CDH4: variants seen among roughly 807,000 people sequenced by gnomAD.
CDH4 encodes cadherin 4, also known as cadherin-4.
In CDH4, 33 loss-of-function variants were observed where a neutral mutation model predicts 86.0. The ratio of observed to expected loss-of-function variants is 0.38; its 90% confidence interval spans 0.29 to 0.51. The LOEUF is 0.51. Among genes scored for constraint, CDH4 ranks in the 20% least tolerant of loss-of-function variants. The pLI, the probability that CDH4 is intolerant of heterozygous loss-of-function variation, is 0.86. For synonymous variants in CDH4, 555 were observed against 549.4 expected, an observed-to-expected ratio of 1.01 and a Z score of -0.14; for missense variants, 1,114 against 1,307.4, an observed-to-expected ratio of 0.85 and a Z score of 2.28.
At chr20:61,587,192 G>A (rs1010492657) in intron 2 of CDH4, among the ~76,000 whole-genome samples, 3 of 152,194 alleles carry the variant, frequency 2.0e-5, no homozygotes, top group Non-Finnish European at 4.4e-5. Context: ...TCCAGGCTCG[G>A]GGCAGGGGAG....
chr20:61,692,732 C>T (rs1359826846), intron 2 of CDH4, among the ~76,000 whole-genome samples: 3 of 152,184 alleles, frequency 2.0e-5, no homozygotes, highest in Admixed American at 6.5e-5. Flanking sequence ...ACTCCATTTG[C>T]GGCTACTCAT....
intron 2 of CDH4, among the ~76,000 whole-genome samples, chr20:61,653,090 G>A (rs1365652575): frequency 2.7e-4 from 34 of 127,330 alleles, no homozygotes; most frequent in South Asian, 4.9e-4. Flanking sequence ...GCGGCCTTCC[G>A]CAGTGTTTGT....
intron 2 of CDH4, among the ~76,000 whole-genome samples, chr20:61,554,899 G>A (rs764464867): frequency 1.3e-5 from 2 of 152,214 alleles, no homozygotes; most frequent in Admixed American, 6.5e-5. Context: ...TTACATGTAT[G>A]TGTGCAGACA....
chr20:61,725,957 C>A (rs1464802048), intron 2 of CDH4, among the ~76,000 whole-genome samples: 1 of 152,198 alleles, frequency 6.6e-6, no homozygotes, highest in Non-Finnish European at 1.5e-5. Flanking sequence ...AAGGATCCAC[C>A]CCAGGGCCTG....
intron 2 of CDH4, among the ~76,000 whole-genome samples, chr20:61,310,279 C>T (rs1004019990): frequency 6.7e-4 from 102 of 152,270 alleles, no homozygotes; most frequent in African/African-American, 2.3e-3. Flanking sequence ...ATGTCCTACT[C>T]AGCTCATGCT....
chr20:61,804,045 G>C (rs1979985085), intron 4 of CDH4, among the ~76,000 whole-genome samples: 1 of 152,380 alleles, frequency 6.6e-6, no homozygotes, highest in Admixed American at 6.5e-5. Context: ...CTTGCCAAGA[G>C]AGAGGCGCCT....
At chr20:61,936,696 C>T (rs1005162417) in intron 15 of CDH4, 41 bp from the exon 16 acceptor site, 1 of 1,448,066 alleles carries the variant, frequency 6.9e-7, no homozygotes. Flanking sequence ...GGGGCTGAGA[C>T]AACGCGTCCT....
At chr20:61,642,774 T>A (rs1029506378) in intron 2 of CDH4, among the ~76,000 whole-genome samples, 1 of 152,282 alleles carries the variant, frequency 6.6e-6, no homozygotes, top group Admixed American at 6.5e-5. Flanking sequence ...ACCACTTCCT[T>A]ACCTTTCCAT....
chr20:61,483,008 TCTG>T (rs1319573597), intron 2 of CDH4, among the ~76,000 whole-genome samples: 1 of 152,188 alleles, frequency 6.6e-6, no homozygotes, highest in East Asian at 1.9e-4. Context: ...AGCCCCCAGA[TCTG>T]CTGCTCTTAA....
intron 2 of CDH4, among the ~76,000 whole-genome samples, chr20:61,459,650 A>G (rs2145557204): frequency 6.6e-6 from 1 of 151,384 alleles, no homozygotes; most frequent in Admixed American, 6.6e-5. Flanking sequence ...CGGGCTGACA[A>G]GGCTGACCTG....
At chr20:61,714,676 T>TG (rs1050267550) in intron 2 of CDH4, among the ~76,000 whole-genome samples, 9 of 152,236 alleles carry the variant, frequency 5.9e-5, no homozygotes, top group African/African-American at 2.2e-4. Flanking sequence ...TTTCCATTCC[T>TG]GAGTTACTTC....
chr20:61,812,694 G>A (rs924004905), intron 4 of CDH4, among the ~76,000 whole-genome samples: 11 of 152,328 alleles, frequency 7.2e-5, no homozygotes, highest in Non-Finnish European at 1.3e-4. Context: ...GCCAGCCAAC[G>A]CCCTTTGGGG....
At chr20:61,801,645 G>A (rs1429515395) in intron 4 of CDH4, among the ~76,000 whole-genome samples, 2 of 151,768 alleles carry the variant, frequency 1.3e-5, no homozygotes, top group Non-Finnish European at 2.9e-5. Context: ...GGCCCTAGGG[G>A]AGGACCCATC....
chr20:61,844,613 C>G (rs1982342001), intron 4 of CDH4, 55 bp from the exon 5 acceptor site: 1 of 1,547,432 alleles, frequency 6.5e-7, no homozygotes, highest in Non-Finnish European at 8.8e-7. Context: ...GAGATCGGCC[C>G]CGGGCCTCTC....
intron 2 of CDH4, among the ~76,000 whole-genome samples, chr20:61,405,398 C>G (rs147458012): frequency 6.6e-6 from 1 of 151,988 alleles, no homozygotes; most frequent in Non-Finnish European, 1.5e-5. Context: ...CAGTGCGGCC[C>G]TTTATGATTT....
intron 2 of CDH4, among the ~76,000 whole-genome samples, chr20:61,530,876 G>A (rs1274810272): frequency 1.3e-5 from 2 of 152,098 alleles, no homozygotes; most frequent in African/African-American, 4.8e-5. Context: ...TGCAGCCACA[G>A]CGCTGTCCAG....
In CDH4 at chr20:61,546,759, C is replaced by A. The variant is rs55853357; in HGVS notation, c.170-196804C>A. 1.3e-3 allele frequency among the ~76,000 whole-genome samples: 195 copies of A among 152,204 alleles called. 1 individual carries two copies. The highest frequency in any genetic ancestry group is 4.5e-3 in the African/African-American group (188 of 41,516). On this transcript the variant is annotated intron_variant, in intron 2 of 15. Coordinates refer to ENST00000614565, the MANE Select transcript of CDH4 (RefSeq NM_001794.5). Reference sequence around the variant, plus strand: ...AGAAATTCACCAGGAGGACCCAGGGCAACTTTCCTTTCAGGATAGGAATCT... The same window carrying A: ...AGAAATTCACCAGGAGGACCCAGGGAAACTTTCCTTTCAGGATAGGAATCT...
intron 2 of CDH4, among the ~76,000 whole-genome samples, chr20:61,266,454 G>C (rs893395125): frequency 6.6e-6 from 1 of 151,924 alleles, no homozygotes; most frequent in Non-Finnish European, 1.5e-5. Context: ...CTTTGCGTTT[G>C]TTCTGGCCAC....
chr20:61,933,931 C>A (rs1291700086), intron 14 of CDH4, 125 bp from the exon 15 acceptor site: 1 of 1,084,978 alleles, frequency 9.2e-7, no homozygotes, highest in Non-Finnish European at 1.4e-6. Context: ...CTGTGGGATG[C>A]TTGGAGACCA....
Sources: allele counts gnomAD v4.1 joint callset (sites outside exome capture counted in the v4.1 genomes callset), GRCh38; gene constraint gnomAD v4.1.1; transcripts MANE v1.5; gene names NCBI Gene and HGNC (gene_info 2026-07-23, HGNC 2026-07-21).